ASAH2: variants seen among roughly 807,000 people sequenced by gnomAD.
The protein encoded by ASAH2 is neutral ceramidase.
A neutral mutation model predicts 82.9 loss-of-function variants in ASAH2; 58 were observed. That is an observed-to-expected ratio of 0.70 (90% confidence interval 0.57 to 0.87). The LOEUF (loss-of-function observed/expected upper bound fraction) is 0.87. ASAH2 is among the 40% of genes least tolerant of loss of function. The pLI is 0.00. For synonymous variants in ASAH2, 276 were observed against 289.7 expected (o/e 0.95, Z 0.48); for missense variants, 779 against 834.0 (o/e 0.93, Z 0.81).
intron 8 of ASAH2, among the ~76,000 whole-genome samples, chr10:50,215,410 T>C (rs1419643171): frequency 5.9e-5 from 9 of 152,058 alleles, no homozygotes; most frequent in African/African-American, 2.2e-4. Context: ...CTAGGTTTTC[T>C]TCTAGGGTGT....
chr10:50,235,314 A>T (rs887049625), intron 5 of ASAH2, among the ~76,000 whole-genome samples: 1 of 152,112 alleles, frequency 6.6e-6, no homozygotes, highest in Non-Finnish European at 1.5e-5. Flanking sequence ...GAAGCAAAAC[A>T]TTAGCAAGGA....
In ASAH2 at chr10:50,218,517, G is replaced by A; in HGVS notation, c.1007C>T (p.Pro336Leu). 6.2e-7 allele frequency: 1 copy of A among 1,613,658 alleles called. No homozygotes were observed. Among genetic ancestry groups the A allele is most frequent in the Non-Finnish European group, 8.5e-7 (1 of 1,179,730 alleles). ...LEQEKNKGYL[P>L]GQGPFVAAFA... is the part of the protein sequence containing the mutation. ...AATGATATAAATTCTCACCTGTCCA[G>A]GTAGATATCCTTTGTTCTTCTCTTG... is the stretch of plus-strand genomic sequence containing the variant. The change falls in exon 8 of 21, where the codon CCT becomes CTT. Residue 336 changes from proline (P) to leucine (L), a missense_variant. Physicochemically the swap from Pro to Leu is moderately conservative, Grantham distance 98 (BLOSUM62 -3). Transcript: ENST00000682911.
intron 3 of ASAH2, among the ~76,000 whole-genome samples, chr10:50,244,153 C>G (rs573492808): frequency 6.6e-6 from 1 of 152,186 alleles, no homozygotes; most frequent in Non-Finnish European, 1.5e-5. Context: ...TGCAGAACGA[C>G]GTTGTGCTGC....
At chr10:50,249,221 T>C (rs1846552184) in intron 1 of ASAH2, among the ~76,000 whole-genome samples, 1 of 152,200 alleles carries the variant, frequency 6.6e-6, no homozygotes. Flanking sequence ...AAAAGGGAAT[T>C]AGTACCTCTG....
chr10:50,241,112 A>T (rs1372387668), intron 4 of ASAH2, among the ~76,000 whole-genome samples: 11 of 152,222 alleles, frequency 7.2e-5, no homozygotes, highest in African/African-American at 2.2e-4. Context: ...GCCAACAGCC[A>T]CATGAACAAA....
At chr10:50,199,854 G>A (rs1397107292) in intron 16 of ASAH2, among the ~76,000 whole-genome samples, 1 of 151,502 alleles carries the variant, frequency 6.6e-6, no homozygotes, top group African/African-American at 2.4e-5. Context: ...TCATTTTCCT[G>A]TCTTACTTTC....
At chr10:50,223,165 T>C (rs1414051008) in intron 7 of ASAH2, among the ~76,000 whole-genome samples, 2 of 152,192 alleles carry the variant, frequency 1.3e-5, no homozygotes, top group East Asian at 3.8e-4. Context: ...ATTTCAACTA[T>C]TATAGAATCA....
At chr10:50,243,735 G>A (rs1359127406) in intron 3 of ASAH2, among the ~76,000 whole-genome samples, 1 of 152,106 alleles carries the variant, frequency 6.6e-6, no homozygotes, top group Admixed American at 6.5e-5. Context: ...TGCCTTCTAA[G>A]GTACTACAGG....
intron 1 of ASAH2, among the ~76,000 whole-genome samples, chr10:50,250,645 C>T (rs144711266): frequency 6.6e-6 from 1 of 152,338 alleles, no homozygotes; most frequent in Non-Finnish European, 1.5e-5. Context: ...AGCCTTCCTA[C>T]TAGCCAAGAT....
At chr10:50,210,448 T>A (rs955652353) in intron 12 of ASAH2, among the ~76,000 whole-genome samples, 7 of 151,870 alleles carry the variant, frequency 4.6e-5, no homozygotes, top group Non-Finnish European at 1.0e-4. Flanking sequence ...TGCAGTAAGC[T>A]GAGATGGTGC....
At chr10:50,229,179 AG>A (rs1845967163) in intron 7 of ASAH2, among the ~76,000 whole-genome samples, 1 of 152,144 alleles carries the variant, frequency 6.6e-6, no homozygotes, top group Admixed American at 6.6e-5. Flanking sequence ...GAGACTCTCA[AG>A]GTTCTGTTTA....
At chr10:50,244,503 T>C (rs1196412676) in intron 3 of ASAH2, among the ~76,000 whole-genome samples, 2 of 152,138 alleles carry the variant, frequency 1.3e-5, no homozygotes, top group Non-Finnish European at 2.9e-5. Context: ...TAAAGATTAC[T>C]TGGAGGGAGG....
intron 1 of ASAH2, 49 bp from the exon 2 acceptor site, chr10:50,248,695 C>T (rs1389645783): frequency 1.2e-5 from 17 of 1,403,942 alleles, no homozygotes; most frequent in African/African-American, 7.2e-5. Flanking sequence ...TTAAGCCAAC[C>T]GAGGTTAAGA....
intron 7 of ASAH2, among the ~76,000 whole-genome samples, chr10:50,224,450 C>T (rs1244097820): frequency 6.6e-6 from 1 of 152,060 alleles, no homozygotes; most frequent in African/African-American, 2.4e-5. Context: ...CGGTGTTCAA[C>T]ATTCGCAACA....
At chr10:50,211,344 G>T (rs1465218680) in intron 10 of ASAH2, among the ~76,000 whole-genome samples, 1 of 152,150 alleles carries the variant, frequency 6.6e-6, no homozygotes, top group Non-Finnish European at 1.5e-5. Flanking sequence ...CTCCGAGGCT[G>T]TTGACCTGTA....
intron 7 of ASAH2, among the ~76,000 whole-genome samples, chr10:50,225,271 C>A (rs1845849342): frequency 6.6e-6 from 1 of 151,998 alleles, no homozygotes; most frequent in Non-Finnish European, 1.5e-5. Flanking sequence ...TAAAAATTAG[C>A]CGGGAATGAC....
chr10:50,251,231 C>A (rs775449404), intron 1 of ASAH2, among the ~76,000 whole-genome samples, 164 bp downstream of exon 1: 3 of 152,110 alleles, frequency 2.0e-5, no homozygotes, highest in Admixed American at 6.5e-5. Flanking sequence ...ATAACGGGGT[C>A]CCTGTTTTTC....
intron 2 of ASAH2, among the ~76,000 whole-genome samples, chr10:50,247,376 G>C (rs1207318356): frequency 6.6e-6 from 1 of 151,574 alleles, no homozygotes; most frequent in Non-Finnish European, 1.5e-5. Context: ...CGTTGGCCAG[G>C]CTGGTCTCAA....
At chr10:50,225,916 C>A (rs1845871626) in intron 7 of ASAH2, among the ~76,000 whole-genome samples, 1 of 151,912 alleles carries the variant, frequency 6.6e-6, no homozygotes, top group African/African-American at 2.4e-5. Flanking sequence ...CATGGTGAAA[C>A]CCCGTCTCTA....
Sources: gnomAD v4.1 joint callset for allele counts (sites outside exome capture counted in the v4.1 genomes callset) on GRCh38, gnomAD v4.1.1 for gene constraint, MANE v1.5 for transcripts, NCBI Gene and HGNC (gene_info 2026-07-23, HGNC 2026-07-21) for gene names.